CTNNA2: variants seen among roughly 807,000 people sequenced by gnomAD.
CTNNA2 encodes catenin alpha 2, also known as catenin alpha-2.
In CTNNA2, 42 loss-of-function variants were observed where a neutral mutation model predicts 101.0. The ratio of observed to expected loss-of-function variants is 0.42; its 90% CI spans 0.32 to 0.54. The LOEUF (loss-of-function observed/expected upper bound fraction) is 0.54, where lower values mean the gene tolerates loss of function less well. Among genes scored for constraint, CTNNA2 ranks in the 20% least tolerant of loss-of-function variants. The pLI, the probability that CTNNA2 is intolerant of heterozygous loss-of-function variation, is 0.14. For missense variants in CTNNA2, 871 were observed against 1,223.1 expected (o/e 0.71, Z 4.29); for synonymous variants, 450 against 456.4 (o/e 0.99, Z 0.18).
chr2:79,922,308 A>G (rs563461688), intron 7 of CTNNA2, among the ~76,000 whole-genome samples: 12 of 152,176 alleles, frequency 7.9e-5, no homozygotes, highest in African/African-American at 2.6e-4. Context: ...CAATAGTTTT[A>G]AAAAAAGACA....
At chr2:79,671,220 G>A (rs1395236075) in intron 2 of CTNNA2, among the ~76,000 whole-genome samples, 1 of 151,922 alleles carries the variant, frequency 6.6e-6, no homozygotes, top group Non-Finnish European at 1.5e-5. Flanking sequence ...AATGTTACAA[G>A]GAGAAAGAAA....
chr2:79,579,957 G>A (rs189333158), intron 1 of CTNNA2, among the ~76,000 whole-genome samples: 93 of 152,124 alleles, frequency 6.1e-4, no homozygotes, highest in African/African-American at 2.0e-3. Flanking sequence ...CCACAAGCTC[G>A]GAGACCATCT....
At chr2:80,602,754 C>A (rs978388791) in intron 15 of CTNNA2, among the ~76,000 whole-genome samples, 3 of 152,026 alleles carry the variant, frequency 2.0e-5, no homozygotes, top group Non-Finnish European at 2.9e-5. Context: ...ATTTTAAAAT[C>A]TAAGTAGCAA....
At chr2:79,459,229 C>A (rs543798116) in intron 4 of CTNNA2, among the ~76,000 whole-genome samples, 1 of 152,078 alleles carries the variant, frequency 6.6e-6, no homozygotes, top group Admixed American at 6.5e-5. Flanking sequence ...CAAACAACTG[C>A]ATTGCAAATA....
chr2:80,257,020 C>A (rs898232982), intron 7 of CTNNA2, among the ~76,000 whole-genome samples: 2 of 152,048 alleles, frequency 1.3e-5, no homozygotes, highest in Non-Finnish European at 2.9e-5. Context: ...GTGAATATGA[C>A]CCAGTGTTTC....
chr2:80,354,786 G>C (rs2149304797), intron 7 of CTNNA2, among the ~76,000 whole-genome samples: 1 of 152,224 alleles, frequency 6.6e-6, no homozygotes, highest in Non-Finnish European at 1.5e-5. Context: ...AAACTCAGGT[G>C]CTAAAGCTGC....
intron 15 of CTNNA2, among the ~76,000 whole-genome samples, chr2:80,595,776 T>G (rs1338344161): frequency 6.6e-6 from 1 of 152,052 alleles, no homozygotes; most frequent in Non-Finnish European, 1.5e-5. Flanking sequence ...GCTTTGTAGT[T>G]TAGTTTGAAG....
chr2:80,563,076 C>G (rs1163456407), intron 12 of CTNNA2, among the ~76,000 whole-genome samples: 3 of 149,808 alleles, frequency 2.0e-5, no homozygotes, highest in Admixed American at 6.6e-5. Flanking sequence ...AGACATGAAT[C>G]TCCAGTTCTT....
intron 4 of CTNNA2, among the ~76,000 whole-genome samples, chr2:79,410,236 G>A (rs1391961397): frequency 3.4e-5 from 5 of 145,544 alleles, no homozygotes; most frequent in Non-Finnish European, 7.5e-5. Context: ...ATACAATCAT[G>A]TCATCTGCAA....
intron 9 of CTNNA2, among the ~76,000 whole-genome samples, chr2:80,446,775 G>A (rs995635064): frequency 6.6e-6 from 1 of 151,972 alleles, no homozygotes; most frequent in Non-Finnish European, 1.5e-5. Context: ...CTCCTATTAA[G>A]GAAAAAATCT....
At position 80,513,613 on chromosome 2, in the gene CTNNA2, G is replaced by A. The variant is rs146802930; in HGVS notation, c.1291-31369G>A. The stretch of plus-strand genomic sequence containing the variant: ...GTAACAAAACACCTTCCAAAATCTT[G>A]ATGCCATCATCTCCATCTTTCTTGT... On this transcript the variant is annotated intron_variant, in intron 9 of 18. Coordinates refer to ENST00000402739, the MANE Select transcript of CTNNA2 (RefSeq NM_001282597.3). Among the ~76,000 whole-genome samples the A allele has an allele frequency of 2.3e-3, 345 of 152,306 alleles. 1 individual carries two copies. The highest frequency in any genetic ancestry group is 6.7e-3 in the Admixed American group (102 of 15,300).
chr2:79,483,079 T>C (rs548418595), intron 4 of CTNNA2, among the ~76,000 whole-genome samples: 9 of 152,220 alleles, frequency 5.9e-5, no homozygotes, highest in East Asian at 1.9e-4. Context: ...TTACTTCCCA[T>C]GTGTGCTATG....
At chr2:79,966,383 C>G (rs1049712154) in intron 7 of CTNNA2, among the ~76,000 whole-genome samples, 1 of 152,040 alleles carries the variant, frequency 6.6e-6, no homozygotes. Context: ...CCACAGGCCC[C>G]CTCCACCACA....
intron 4 of CTNNA2, among the ~76,000 whole-genome samples, chr2:79,418,709 C>T (rs1182793432): frequency 1.3e-5 from 2 of 152,026 alleles, no homozygotes; most frequent in African/African-American, 4.8e-5. Flanking sequence ...TTAAAGAAGG[C>T]ACTGTGAATG....
At chr2:79,847,748 A>G (rs1680353203) in intron 3 of CTNNA2, among the ~76,000 whole-genome samples, 1 of 152,084 alleles carries the variant, frequency 6.6e-6, no homozygotes, top group Admixed American at 6.5e-5. Flanking sequence ...CTTGTACAGT[A>G]TCTTAAGGAG....
chr2:79,883,618 A>G (rs1419541152), intron 6 of CTNNA2, among the ~76,000 whole-genome samples: 5 of 152,366 alleles, frequency 3.3e-5, no homozygotes, highest in African/African-American at 1.2e-4. Context: ...GAAGTAAAAC[A>G]TAATGTCGAT....
chr2:79,551,542 A>G (rs998508160), intron 1 of CTNNA2, among the ~76,000 whole-genome samples: 3 of 152,204 alleles, frequency 2.0e-5, no homozygotes, highest in Non-Finnish European at 4.4e-5. Context: ...CTGTGGAGAC[A>G]AGCTGTCAAT....
intron 1 of CTNNA2, among the ~76,000 whole-genome samples, chr2:79,583,711 A>T (rs1416525371): frequency 6.6e-6 from 1 of 152,152 alleles, no homozygotes; most frequent in African/African-American, 2.4e-5. Context: ...ATTAAAAATA[A>T]TTATTTAACC....
At position 79,822,520 on chromosome 2, in the gene CTNNA2, A is replaced by G. The variant is rs532554090; in HGVS notation, c.299-35493A>G. On this transcript the variant is annotated intron_variant, in intron 3 of 18. Transcript: ENST00000402739. ...TTATGTTAAATATTGTGAAGGATAC[A>G]GGAAGCATCCTCCACACCTTCTCCT... is the stretch of plus-strand genomic sequence containing the variant. Among the ~76,000 whole-genome samples the G allele has an allele frequency of 1.3e-5, 2 of 152,300 alleles. 1 individual carries two copies. The highest frequency in any genetic ancestry group is 4.8e-5 in the African/African-American group (2 of 41,570).
Sources: allele counts gnomAD v4.1 joint callset (sites outside exome capture counted in the v4.1 genomes callset), GRCh38; gene constraint gnomAD v4.1.1; transcripts MANE v1.5; gene names NCBI Gene and HGNC (gene_info 2026-07-23, HGNC 2026-07-21).